Variants in DLG2 observed in about 807,000 individuals in gnomAD.
DLG2 encodes discs large MAGUK scaffold protein 2.
A neutral mutation model predicts 132.5 loss-of-function variants in DLG2; 45 were observed. The observed-to-expected ratio is 0.34, with a 90% CI of 0.27 to 0.44. The LOEUF (loss-of-function observed/expected upper bound fraction) is 0.44. Ranked by LOEUF, DLG2 falls within the 20% of genes least tolerant of loss-of-function variation. The pLI, the probability that DLG2 is intolerant of heterozygous loss-of-function variation, is 1.00. For missense variants in DLG2, 1,045 were observed against 1,196.9 expected (o/e 0.87, Z 1.87); for synonymous variants, 424 against 419.6 (o/e 1.01, Z -0.13).
At chr11:85,209,174 A>G (rs1290834739) in intron 4 of DLG2, among the ~76,000 whole-genome samples, 1 of 152,086 alleles carries the variant, frequency 6.6e-6, no homozygotes, top group Admixed American at 6.6e-5. Context: ...TAAAGATCAC[A>G]CTAGTTCAAT....
chr11:84,290,303 T>C (rs1023666254), intron 7 of DLG2, among the ~76,000 whole-genome samples: 1 of 152,150 alleles, frequency 6.6e-6, no homozygotes, highest in Non-Finnish European at 1.5e-5. Flanking sequence ...GCCTTCACTT[T>C]ACATGTTTTT....
At chr11:83,885,420 C>T (rs1432594563) in intron 15 of DLG2, among the ~76,000 whole-genome samples, 2 of 152,138 alleles carry the variant, frequency 1.3e-5, no homozygotes, top group African/African-American at 4.8e-5. Flanking sequence ...AAGAAACGAA[C>T]AAAGCCTCCA....
At chr11:85,408,731 A>C (rs922840651) in intron 3 of DLG2, among the ~76,000 whole-genome samples, 11 of 151,550 alleles carry the variant, frequency 7.3e-5, no homozygotes, top group African/African-American at 1.9e-4. Context: ...TGAACTCATC[A>C]TTTTTTATGG....
At chr11:85,078,450 G>A (rs2066830631) in intron 6 of DLG2, among the ~76,000 whole-genome samples, 1 of 151,864 alleles carries the variant, frequency 6.6e-6, no homozygotes, top group Non-Finnish European at 1.5e-5. Flanking sequence ...AAGGAGGACT[G>A]CATGACTGGA....
At chr11:84,427,880 C>G (rs1015039743) in intron 7 of DLG2, among the ~76,000 whole-genome samples, 1 of 152,160 alleles carries the variant, frequency 6.6e-6, no homozygotes, top group African/African-American at 2.4e-5. Context: ...AAGTTACCAG[C>G]CCTTCTGATA....
chr11:84,392,710 A>G (rs2098796829), intron 7 of DLG2, among the ~76,000 whole-genome samples: 1 of 152,210 alleles, frequency 6.6e-6, no homozygotes, highest in Non-Finnish European at 1.5e-5. Context: ...GAAAATAGAG[A>G]CAGGTAAAAT....
intron 4 of DLG2, among the ~76,000 whole-genome samples, chr11:85,270,044 AG>A (rs2077431139): frequency 6.6e-6 from 1 of 152,246 alleles, no homozygotes; most frequent in African/African-American, 2.4e-5. Context: ...TGTATTAGTC[AG>A]AGTTCTCCAG....
intron 7 of DLG2, among the ~76,000 whole-genome samples, chr11:84,515,144 A>G (rs2099268668): frequency 6.6e-6 from 1 of 151,920 alleles, no homozygotes. Flanking sequence ...GAAAGGAACC[A>G]AATACCTACA....
chr11:84,998,892 G>A (rs962820937), intron 6 of DLG2, among the ~76,000 whole-genome samples: 2 of 151,828 alleles, frequency 1.3e-5, no homozygotes, highest in African/African-American at 2.4e-5. Context: ...GCCCTGCTTC[G>A]CCTTCTACTT....
intron 6 of DLG2, among the ~76,000 whole-genome samples, chr11:84,643,149 C>G (rs17735232): frequency 0.091 from 13,876 of 152,244 alleles, 777 homozygotes; most frequent in Admixed American, 0.15. Context: ...TCTGGGTATA[C>G]AGTAGGCACT....
chr11:83,892,112 T>G (rs554159779), intron 15 of DLG2, among the ~76,000 whole-genome samples: 1 of 152,300 alleles, frequency 6.6e-6, no homozygotes, highest in South Asian at 2.1e-4. Flanking sequence ...CTTTCTCTGG[T>G]ATTCTTTTCG....
At chr11:83,696,726 G>C (rs1566579883) in intron 18 of DLG2, among the ~76,000 whole-genome samples, 1 of 152,170 alleles carries the variant, frequency 6.6e-6, no homozygotes, top group Non-Finnish European at 1.5e-5. Context: ...CAAATATTGA[G>C]TAAATGACTA....
At chr11:85,415,274 G>A (rs1259881373) in intron 3 of DLG2, among the ~76,000 whole-genome samples, 2 of 152,180 alleles carry the variant, frequency 1.3e-5, no homozygotes, top group East Asian at 1.9e-4. Flanking sequence ...GGGCATTTGG[G>A]TTGGTTCCAA....
intron 19 of DLG2, among the ~76,000 whole-genome samples, chr11:83,548,894 ATC>A (rs1192288239): frequency 6.6e-6 from 1 of 152,114 alleles, no homozygotes; most frequent in Non-Finnish European, 1.5e-5. Flanking sequence ...AATATGTCTT[ATC>A]TCCTTTACTA....
intron 7 of DLG2, among the ~76,000 whole-genome samples, chr11:84,303,956 T>G (rs757248343): frequency 6.6e-6 from 1 of 152,182 alleles, no homozygotes; most frequent in African/African-American, 2.4e-5. Flanking sequence ...AACACTTTAT[T>G]AACTTACTGT....
intron 6 of DLG2, among the ~76,000 whole-genome samples, chr11:84,999,558 T>C (rs190460105): frequency 2.6e-5 from 4 of 152,280 alleles, no homozygotes; most frequent in Non-Finnish European, 5.9e-5. Context: ...AGTGAAAATA[T>C]GAAAATAACA....
intron 16 of DLG2, among the ~76,000 whole-genome samples, chr11:83,855,370 G>A (rs1444255695): frequency 6.6e-6 from 1 of 152,214 alleles, no homozygotes; most frequent in African/African-American, 2.4e-5. Flanking sequence ...GCACCTGCAT[G>A]TGAATAGTTC....
Position 84,698,389 on chromosome 11 carries a change from G to C in DLG2, c.358-163658C>G, listed in dbSNP as rs543563880. On this transcript the variant is annotated intron_variant, in intron 6 of 27. Coordinates refer to ENST00000376104, the MANE Select transcript of DLG2 (RefSeq NM_001142699.3). ...AGCACAATATAAAATATATTAAATT[G>C]AGTCAACAAATGAAGAAACCAAGGT... Among the ~76,000 whole-genome samples the C allele has an allele frequency of 5.5e-4, 84 of 151,502 alleles. 1 individual carries two copies. The highest frequency in any genetic ancestry group is 2.0e-3 in the African/African-American group (82 of 41,434).
intron 10 of DLG2, among the ~76,000 whole-genome samples, chr11:84,090,414 C>CAAAAAAAAAA (rs397848695): frequency 8.9e-5 from 7 of 78,596 alleles, no homozygotes; most frequent in East Asian, 3.8e-4. Context: ...GATTTCATCT[C>CAAAAAAAAAA]AAAAAAAAAA....
Sources: allele counts gnomAD v4.1 joint callset (sites outside exome capture counted in the v4.1 genomes callset), GRCh38; gene constraint gnomAD v4.1.1; transcripts MANE v1.5; gene names NCBI Gene and HGNC (gene_info 2026-07-23, HGNC 2026-07-21).